VAX2: variants seen among roughly 807,000 people sequenced by gnomAD.
The protein encoded by VAX2 is ventral anterior homeobox 2.
Under a neutral mutation model 12.5 loss-of-function variants are expected in VAX2, and 8 were observed. That is an observed-to-expected ratio of 0.64 (90% CI 0.37 to 1.15). VAX2 has a LOEUF of 1.15. Ranked by LOEUF, VAX2 falls within the 50% of genes most tolerant of loss-of-function variation. VAX2 has a pLI of 0.01. For missense variants in VAX2, 476 were observed against 412.9 expected (o/e 1.15, Z -1.32); for synonymous variants, 183 against 187.6 (o/e 0.98, Z 0.20).
intron 2 of VAX2, among the ~76,000 whole-genome samples, chr2:70,926,689 A>C (rs1363958695): frequency 1.3e-5 from 2 of 152,180 alleles, no homozygotes; most frequent in African/African-American, 4.8e-5. Flanking sequence ...GATTTAATGC[A>C]CAGTGATGTC....
intron 1 of VAX2, among the ~76,000 whole-genome samples, chr2:70,915,870 T>A (rs946821236): frequency 7.2e-5 from 11 of 152,198 alleles, no homozygotes; most frequent in Non-Finnish European, 1.3e-4. Context: ...TTTCCCCACA[T>A]GCAGTCATTT....
At position 70,904,438 on chromosome 2, in the gene VAX2, A is replaced by G. The variant is rs1316941978; in HGVS notation, c.247+3570A>G. On this transcript the variant is annotated intron_variant, in intron 1 of 2. Coordinates refer to ENST00000234392, the MANE Select transcript of VAX2 (RefSeq NM_012476.3). This position sits in a 1 kb window ranked among gnomAD's most constrained non-coding sequence, Gnocchi z 4.2. ...ACGCTCAAACGCACCTGTTTCCCAA[A>G]TTAATCCAGACGCGAATTTAACGAC... Among the ~76,000 whole-genome samples the G allele has an allele frequency of 2.6e-5, 4 of 152,162 alleles. No individual in the cohort carries two copies. Among genetic ancestry groups the G allele is most frequent in the Non-Finnish European group, 5.9e-5 (4 of 68,024 alleles).
At chr2:70,920,941 G>C (rs187804486) in intron 1 of VAX2, among the ~76,000 whole-genome samples, 157 bp from the exon 2 acceptor site, 2 of 152,212 alleles carry the variant, frequency 1.3e-5, no homozygotes, top group East Asian at 3.9e-4. Flanking sequence ...TAAGGAATCT[G>C]GGCCCAGAGA....
chr2:70,908,410 A>T (rs1427729007), intron 1 of VAX2, among the ~76,000 whole-genome samples: 2 of 152,304 alleles, frequency 1.3e-5, no homozygotes, highest in Middle Eastern at 3.4e-3. Context: ...GATAATGTTT[A>T]TGCCTATGGA....
chr2:70,900,986 T>C, intron 1 of VAX2, 118 bp downstream of exon 1: 5 of 1,038,300 alleles, frequency 4.8e-6, no homozygotes, highest in Non-Finnish European at 6.3e-6. Flanking sequence ...CGTCATCCAG[T>C]CATTCATTCA....
chr2:70,909,470 T>A (rs1405592430), intron 1 of VAX2, among the ~76,000 whole-genome samples: 3 of 152,206 alleles, frequency 2.0e-5, no homozygotes, highest in Non-Finnish European at 4.4e-5. Context: ...TCATAAAATA[T>A]CTTTTTAATT....
At chr2:70,915,954 T>G (rs1330571314) in intron 1 of VAX2, among the ~76,000 whole-genome samples, 1 of 152,226 alleles carries the variant, frequency 6.6e-6, no homozygotes, top group African/African-American at 2.4e-5. Flanking sequence ...ATTTTAAGAT[T>G]AAATTTCCAC....
At chr2:70,916,511 T>G (rs1168839958) in intron 1 of VAX2, among the ~76,000 whole-genome samples, 1 of 152,180 alleles carries the variant, frequency 6.6e-6, no homozygotes, top group Admixed American at 6.5e-5. Context: ...AACTTCCTCT[T>G]ACTACTCATT....
rs559083445 is a variant in VAX2 at position 70,925,050 on chromosome 2, C to T, written c.435+3765C>T. On this transcript the variant is annotated intron_variant, in intron 2 of 2. Transcript: ENST00000234392. The stretch of plus-strand genomic sequence containing the variant: ...TCAAGGCAGACGGTAACTATGAAGA[C>T]GTGAGGGGCAGGAATTGGCATAGAA... Among the ~76,000 whole-genome samples, 13 of 152,172 alleles carry T rather than the reference C, an allele frequency of 8.5e-5. No homozygotes were observed. In the South Asian group the frequency reaches 2.1e-3, roughly 24 times the overall value.
chr2:70,915,076 C>T (rs1209715030), intron 1 of VAX2, among the ~76,000 whole-genome samples: 2 of 152,104 alleles, frequency 1.3e-5, no homozygotes, highest in South Asian at 2.1e-4. Flanking sequence ...GCTGGGATTA[C>T]AGGCATGAGT....
chr2:70,923,588 C>T (rs781873833), intron 2 of VAX2, among the ~76,000 whole-genome samples: 5 of 152,222 alleles, frequency 3.3e-5, no homozygotes, highest in African/African-American at 4.8e-5. Flanking sequence ...GGCCTAAAAC[C>T]GGGGGCTCCC....
chr2:70,928,874 T>C (rs775610004), intron 2 of VAX2, among the ~76,000 whole-genome samples: 2 of 152,202 alleles, frequency 1.3e-5, no homozygotes, highest in African/African-American at 4.8e-5. Flanking sequence ...GCTCCCTAAA[T>C]GGGTTTTCTT....
chr2:70,914,961 C>G (rs1553411742), intron 1 of VAX2, among the ~76,000 whole-genome samples: 2 of 152,028 alleles, frequency 1.3e-5, no homozygotes, highest in African/African-American at 4.8e-5. Flanking sequence ...CCACCACACC[C>G]AGCTAATTTT....
chr2:70,921,151 C>T lies in VAX2; in HGVS notation c.301C>T (p.Arg101Trp), dbSNP rs145801795. 262 of 1,612,876 alleles carry T rather than the reference C, an allele frequency of 1.6e-4. No individual in the cohort carries two copies. Among genetic ancestry groups the T allele is most frequent in the Middle Eastern group, 1.7e-4 (1 of 6,054 alleles). Residue 101 changes from arginine to tryptophan, a missense_variant, in exon 2 of 3, where the codon CGG becomes TGG. Physicochemically the swap from Arg to Trp is moderately radical, Grantham distance 101 (BLOSUM62 -3). Transcript: ENST00000234392. ...CCTGCCTAAGGGCCTGGACCTGGAC[C>T]GGCCCAAGCGGACACGTACATCCTT... Reference protein sequence around the residue: ...IVLPKGLDLDRPKRTRTSFTA... With the variant: ...IVLPKGLDLDWPKRTRTSFTA...
chr2:70,912,689 A>G (rs1679216021), intron 1 of VAX2, among the ~76,000 whole-genome samples: 1 of 152,130 alleles, frequency 6.6e-6, no homozygotes, highest in South Asian at 2.1e-4. Context: ...TTATCAGCTT[A>G]TCGTGCAAAG....
chr2:70,919,823 C>T (rs1679408003), intron 1 of VAX2, among the ~76,000 whole-genome samples: 1 of 152,170 alleles, frequency 6.6e-6, no homozygotes, highest in Non-Finnish European at 1.5e-5. Context: ...TGCATTACAG[C>T]CTGGGCGTGA....
chr2:70,921,348 T>C, intron 2 of VAX2, 63 bp downstream of exon 2: 4 of 1,476,134 alleles, frequency 2.7e-6, no homozygotes, highest in Non-Finnish European at 3.6e-6. Flanking sequence ...CCTGGGGATA[T>C]GAGGCCCTGT....
intron 1 of VAX2, among the ~76,000 whole-genome samples, chr2:70,907,523 T>C (rs1475091903): frequency 1.3e-5 from 2 of 152,238 alleles, no homozygotes; most frequent in African/African-American, 4.8e-5. Flanking sequence ...ACGGTTTCTT[T>C]AGCGTCTTGC....
At chr2:70,924,895 G>A (rs546101381) in intron 2 of VAX2, among the ~76,000 whole-genome samples, 2 of 152,242 alleles carry the variant, frequency 1.3e-5, no homozygotes, top group African/African-American at 4.8e-5. Context: ...CTCAAATGGG[G>A]TCATAGGAGA....
Sources: gnomAD v4.1 joint callset for allele counts (sites outside exome capture counted in the v4.1 genomes callset) on GRCh38, gnomAD v4.1.1 for gene constraint, Gnocchi (gnomAD v3.1) non-coding constraint, MANE v1.5 for transcripts, NCBI Gene and HGNC (gene_info 2026-07-23, HGNC 2026-07-21) for gene names.